Variants in CDH12 observed in about 807,000 individuals in gnomAD.
CDH12 encodes cadherin 12.
In CDH12, 41 loss-of-function variants were observed where a neutral mutation model predicts 74.1. That is an observed-to-expected ratio of 0.55 (90% CI 0.43 to 0.72). The LOEUF (loss-of-function observed/expected upper bound fraction) is 0.72, where lower values mean the gene tolerates loss of function less well. Ranked by LOEUF, CDH12 falls within the 30% of genes least tolerant of loss-of-function variation. The pLI, the probability that CDH12 is intolerant of heterozygous loss-of-function variation, is 0.00. For synonymous variants in CDH12, 399 were observed against 355.0 expected, an observed-to-expected ratio of 1.12 and a Z score of -1.39; for missense variants, 945 against 977.2, an observed-to-expected ratio of 0.97 and a Z score of 0.44.
intron 1 of CDH12, among the ~76,000 whole-genome samples, chr5:22,660,895 A>G: frequency 1.3e-5 from 2 of 152,322 alleles, no homozygotes; most frequent in Middle Eastern, 6.8e-3. Context: ...TAACTATTTA[A>G]CATTCATTGA....
chr5:22,061,636 C>A (rs1049610351), intron 5 of CDH12, among the ~76,000 whole-genome samples: 2 of 152,068 alleles, frequency 1.3e-5, no homozygotes, highest in African/African-American at 4.8e-5. Context: ...GTATAATATA[C>A]AAATTGTAGA....
chr5:22,076,892 G>A (rs1007343267), intron 5 of CDH12, among the ~76,000 whole-genome samples: 4 of 152,024 alleles, frequency 2.6e-5, no homozygotes, highest in Non-Finnish European at 4.4e-5. Context: ...ATCGTTTGGG[G>A]CTCACTTTGA....
chr5:21,757,857 C>A (rs939943477), intron 13 of CDH12, among the ~76,000 whole-genome samples: 2 of 152,158 alleles, frequency 1.3e-5, no homozygotes, highest in African/African-American at 2.4e-5. Context: ...CATATTGAAT[C>A]TAGGGCATCT....
chr5:22,116,838 A>T (rs1745144327), intron 4 of CDH12, among the ~76,000 whole-genome samples: 1 of 144,412 alleles, frequency 6.9e-6, no homozygotes, highest in Admixed American at 7.0e-5. Flanking sequence ...ATCTTCGTTC[A>T]GCTAGGCTGG....
At chr5:21,797,536 T>C (rs919329996) in intron 10 of CDH12, among the ~76,000 whole-genome samples, 5 of 152,252 alleles carry the variant, frequency 3.3e-5, no homozygotes. Flanking sequence ...GCTCTGTCTT[T>C]TGACAACCCC....
intron 4 of CDH12, among the ~76,000 whole-genome samples, chr5:22,156,009 C>T (rs779800571): frequency 9.9e-5 from 15 of 152,098 alleles, no homozygotes; most frequent in Non-Finnish European, 2.1e-4. Context: ...CAAATGTACC[C>T]CTTGGGGTTC....
chr5:22,765,920 G>A (rs543226686), intron 1 of CDH12, among the ~76,000 whole-genome samples: 83 of 151,742 alleles, frequency 5.5e-4, no homozygotes, highest in Non-Finnish European at 8.4e-4. Context: ...AAAAAAATAC[G>A]TACAAATCTA....
At chr5:22,812,155 T>C (rs780179) in intron 1 of CDH12, among the ~76,000 whole-genome samples, 79,447 of 151,974 alleles carry the variant, frequency 0.52, 21,176 homozygotes, top group African/African-American at 0.61. Context: ...TGTATTCTAT[T>C]CTCTGTAAAT....
rs79908707 is a variant in CDH12 at position 21,831,444 on chromosome 5, G to T, written c.814+10717C>A. Among the ~76,000 whole-genome samples, 1,402 of 152,236 alleles carry T rather than the reference G, an allele frequency of 9.2e-3. 20 individuals carry two copies. Among genetic ancestry groups the T allele is most frequent in the African/African-American group, 0.032 (1,328 of 41,556 alleles). ...TTAATGGTGTCTTTACATAGCACAGGTGCAATATATGTGAGCTGCTTTTCT... is the reference window on the plus strand; with the variant it reads ...TTAATGGTGTCTTTACATAGCACAGTTGCAATATATGTGAGCTGCTTTTCT... On this transcript the variant is annotated intron_variant, in intron 8 of 14. Transcript: ENST00000382254.
intron 1 of CDH12, among the ~76,000 whole-genome samples, chr5:22,802,867 A>G (rs1231154062): frequency 6.6e-6 from 1 of 152,160 alleles, no homozygotes; most frequent in Non-Finnish European, 1.5e-5. Flanking sequence ...ATACACGTTT[A>G]AAAAATTTAT....
At position 22,244,227 on chromosome 5, in the gene CDH12, C is replaced by T. The variant is rs1195422229; in HGVS notation, c.-332-31584G>A. On this transcript the variant is annotated intron_variant, in intron 3 of 14. Transcript: ENST00000382254. ...ATAGCAGGCCAGGTGCAGTGGCTCA[C>T]GCCTGTAATCCCAACACTTTGGGAG... Among the ~76,000 whole-genome samples, 4 of 152,104 alleles carry T rather than the reference C, an allele frequency of 2.6e-5. 1 individual carries two copies. Among genetic ancestry groups the T allele is most frequent in the Admixed American group, 2.0e-4 (3 of 15,280 alleles).
chr5:22,197,729 T>C (rs1002344698), intron 4 of CDH12, among the ~76,000 whole-genome samples: 2 of 151,926 alleles, frequency 1.3e-5, no homozygotes, highest in African/African-American at 2.4e-5. Flanking sequence ...CATAAAAAGT[T>C]TGGGGCAATT....
At chr5:22,611,844 A>T (rs1334411885) in intron 1 of CDH12, among the ~76,000 whole-genome samples, 1 of 152,078 alleles carries the variant, frequency 6.6e-6, no homozygotes, top group Non-Finnish European at 1.5e-5. Flanking sequence ...AAGAGTGCAG[A>T]GTGGATCTGG....
At chr5:21,883,884 G>A (rs1752490828) in intron 6 of CDH12, 3 of 1,606,154 alleles carry the variant, frequency 1.9e-6, no homozygotes, top group Non-Finnish European at 8.5e-7. Flanking sequence ...AAGAGCTGCT[G>A]TTGAAGGAGG....
At chr5:22,656,674 A>G (rs1740052781) in intron 1 of CDH12, among the ~76,000 whole-genome samples, 1 of 152,174 alleles carries the variant, frequency 6.6e-6, no homozygotes, top group Non-Finnish European at 1.5e-5. Context: ...TAGTAATTTC[A>G]CTCTTAGTAC....
At chr5:21,815,798 A>G (rs1253810885) in intron 9 of CDH12, among the ~76,000 whole-genome samples, 1 of 152,192 alleles carries the variant, frequency 6.6e-6, no homozygotes, top group African/African-American at 2.4e-5. Flanking sequence ...AGATATTTAT[A>G]TCTTCAGAAG....
intron 3 of CDH12, among the ~76,000 whole-genome samples, chr5:22,343,901 T>A (rs899798395): frequency 6.6e-6 from 1 of 152,212 alleles, no homozygotes; most frequent in Non-Finnish European, 1.5e-5. Flanking sequence ...CCCTAGCATA[T>A]GTTGTAGATA....
chr5:21,854,773 C>T lies in CDH12; in HGVS notation c.544G>A (p.Val182Ile), dbSNP rs1750667266. ...GGGTCATCTGCATCTGTGGCCTTGA[C>T]CTGGAGTACATATGCACCTGGAAAA... is the stretch of plus-strand genomic sequence containing the variant. ...MSPVGAYVLQ[V>I]KATDADDPTY... Residue 182 changes from valine (V) to isoleucine (I), a missense_variant, in exon 7 of 15, where the codon GTC becomes ATC. Coordinates refer to ENST00000382254, the MANE Select transcript of CDH12 (RefSeq NM_004061.5). 1 of 1,609,534 alleles carries T rather than the reference C, an allele frequency of 6.2e-7. No individual in the cohort carries two copies. Among genetic ancestry groups the T allele is most frequent in the East Asian group, 2.2e-5 (1 of 44,714 alleles).
chr5:22,674,067 T>A (rs2126918459), intron 1 of CDH12, among the ~76,000 whole-genome samples: 1 of 152,272 alleles, frequency 6.6e-6, no homozygotes, highest in East Asian at 1.9e-4. Context: ...GATCCAGAAC[T>A]GTTATAAGGG....
Sources: gnomAD v4.1 joint callset for allele counts (sites outside exome capture counted in the v4.1 genomes callset) on GRCh38, gnomAD v4.1.1 for gene constraint, MANE v1.5 for transcripts, NCBI Gene and HGNC (gene_info 2026-07-23, HGNC 2026-07-21) for gene names.